Variants in RGS17 observed in about 807,000 individuals in gnomAD.
The protein encoded by RGS17 is regulator of G protein signaling 17, also known as regulator of G-protein signaling 17.
In RGS17, 12 loss-of-function variants were observed where a neutral mutation model predicts 25.5. The observed-to-expected ratio is 0.47, with a 90% CI of 0.30 to 0.76. RGS17 has a LOEUF of 0.76. Ranked by LOEUF, RGS17 falls within the 30% of genes least tolerant of loss-of-function variation. The pLI is 0.07. For synonymous variants in RGS17, 71 were observed against 76.9 expected (o/e 0.92, Z 0.40); for missense variants, 196 against 242.2 (o/e 0.81, Z 1.27).
At chr6:153,083,697 A>G (rs2129119899) in intron 1 of RGS17, among the ~76,000 whole-genome samples, 1 of 152,352 alleles carries the variant, frequency 6.6e-6, no homozygotes, top group South Asian at 2.1e-4. Flanking sequence ...CAAGTAAAGT[A>G]TTGCTACCAC....
At chr6:153,073,544 C>T (rs1776836880) in intron 1 of RGS17, among the ~76,000 whole-genome samples, 1 of 152,060 alleles carries the variant, frequency 6.6e-6, no homozygotes, top group Admixed American at 6.6e-5. Context: ...CAGTGCAGCA[C>T]CCTGGGATTA....
At chr6:153,116,331 A>G (rs1442070535) in intron 1 of RGS17, among the ~76,000 whole-genome samples, 2 of 152,246 alleles carry the variant, frequency 1.3e-5, no homozygotes, top group Non-Finnish European at 2.9e-5. Flanking sequence ...AAAGCTCATC[A>G]TCACTGGTCA....
intron 1 of RGS17, among the ~76,000 whole-genome samples, chr6:153,110,844 T>C (rs889647707): frequency 6.6e-6 from 1 of 152,082 alleles, no homozygotes; most frequent in Non-Finnish European, 1.5e-5. Flanking sequence ...GTTGGGGAAC[T>C]CCCTCCCCTA....
intron 1 of RGS17, among the ~76,000 whole-genome samples, chr6:153,112,628 C>G (rs6557269): frequency 1.3e-5 from 2 of 151,520 alleles, no homozygotes; most frequent in South Asian, 4.2e-4. Context: ...TCGTCAGATT[C>G]ACCAAGGTTG....
chr6:153,015,778 T>TGAGTA (rs1338000585), intron 4 of RGS17, among the ~76,000 whole-genome samples: 1 of 151,984 alleles, frequency 6.6e-6, no homozygotes, highest in East Asian at 1.9e-4. Flanking sequence ...CTCAGCCTCC[T>TGAGTA]GAGTAGCGGG....
chr6:153,063,253 C>A (rs1481722661), intron 1 of RGS17, among the ~76,000 whole-genome samples: 5 of 152,082 alleles, frequency 3.3e-5, no homozygotes, highest in Non-Finnish European at 5.9e-5. Flanking sequence ...AAGGATTAAT[C>A]TTGAAGAAAC....
intron 1 of RGS17, among the ~76,000 whole-genome samples, chr6:153,062,998 A>C (rs1206982039): frequency 6.6e-6 from 1 of 152,212 alleles, no homozygotes. Flanking sequence ...ACAAGTCTGC[A>C]AGAACCACAG....
intron 1 of RGS17, among the ~76,000 whole-genome samples, chr6:153,115,785 T>A (rs1389063983): frequency 6.6e-6 from 1 of 152,200 alleles, no homozygotes; most frequent in African/African-American, 2.4e-5. Context: ...TACAATCATC[T>A]GATCTTTGAC....
At chr6:153,036,807 C>T (rs1419411216) in intron 2 of RGS17, among the ~76,000 whole-genome samples, 2 of 152,136 alleles carry the variant, frequency 1.3e-5, no homozygotes, top group Admixed American at 1.3e-4. Context: ...CTCTCCATCC[C>T]TTTTATTGTC....
intron 1 of RGS17, among the ~76,000 whole-genome samples, chr6:153,103,559 C>G (rs1777336966): frequency 6.6e-6 from 1 of 152,112 alleles, no homozygotes; most frequent in African/African-American, 2.4e-5. Flanking sequence ...TTCTTGTCCT[C>G]CATGATCAAA....
intron 1 of RGS17, among the ~76,000 whole-genome samples, chr6:153,128,631 G>A (rs1298830157): frequency 6.6e-6 from 1 of 152,112 alleles, no homozygotes; most frequent in African/African-American, 2.4e-5. Flanking sequence ...AAGATCAAAC[G>A]GGTAAGAATA....
chr6:153,056,293 G>C (rs776604202), intron 1 of RGS17, among the ~76,000 whole-genome samples: 13 of 152,112 alleles, frequency 8.5e-5, no homozygotes, highest in Non-Finnish European at 1.8e-4. Flanking sequence ...TTAGAACAAA[G>C]GTGTTTCCTC....
intron 1 of RGS17, among the ~76,000 whole-genome samples, chr6:153,123,862 A>G (rs6926612): frequency 0.11 from 16,876 of 152,204 alleles, 1,035 homozygotes; most frequent in East Asian, 0.18. Flanking sequence ...TACAAGTGAG[A>G]GGGGAAAAGG....
chr6:153,051,695 G>A (rs1223283826), intron 1 of RGS17, among the ~76,000 whole-genome samples: 2 of 152,200 alleles, frequency 1.3e-5, no homozygotes, highest in Non-Finnish European at 2.9e-5. Flanking sequence ...TTAGTAAAAT[G>A]TGAGAAGAGA....
intron 1 of RGS17, among the ~76,000 whole-genome samples, chr6:153,069,096 C>A (rs1029348583): frequency 2.6e-5 from 4 of 152,170 alleles, no homozygotes; most frequent in African/African-American, 9.7e-5. Flanking sequence ...AGCAACCCCA[C>A]TGCTGGGTAC....
At chr6:153,030,327 A>G (rs939399870) in intron 2 of RGS17, among the ~76,000 whole-genome samples, 1 of 152,184 alleles carries the variant, frequency 6.6e-6, no homozygotes, top group Admixed American at 6.5e-5. Context: ...ACACTCTTCT[A>G]TTGTAAGGAA....
chr6:153,110,952 G>A (rs1199597023), intron 1 of RGS17, among the ~76,000 whole-genome samples: 1 of 152,158 alleles, frequency 6.6e-6, no homozygotes, highest in African/African-American at 2.4e-5. Context: ...CAGACCAGGA[G>A]ATTCCCTCAG....
chr6:153,013,392 G>T (rs1779153579), intron 4 of RGS17, among the ~76,000 whole-genome samples: 1 of 151,964 alleles, frequency 6.6e-6, no homozygotes, highest in Non-Finnish European at 1.5e-5. Context: ...CCATATCTTT[G>T]TCCCTCTCCT....
chr6:153,081,741 G>A (rs1470891627), intron 1 of RGS17, among the ~76,000 whole-genome samples: 4 of 151,710 alleles, frequency 2.6e-5, no homozygotes, highest in Non-Finnish European at 5.9e-5. Context: ...TACAATACAT[G>A]TTACTCTTTT....
Sources: gnomAD v4.1 joint callset for allele counts (sites outside exome capture counted in the v4.1 genomes callset) on GRCh38, gnomAD v4.1.1 for gene constraint, MANE v1.5 for transcripts, NCBI Gene and HGNC (gene_info 2026-07-23, HGNC 2026-07-21) for gene names.